GNG7: variants seen among roughly 807,000 people sequenced by gnomAD.
GNG7 encodes G protein subunit gamma 7.
GNG7 carries 1 observed loss-of-function variant against 4.0 expected under a neutral mutation model. The observed-to-expected ratio is 0.25, with a 90% CI of 0.09 to 1.18. The LOEUF (loss-of-function observed/expected upper bound fraction) is 1.18, where lower values mean the gene tolerates loss of function less well. Among genes scored for constraint, GNG7 ranks in the 50% most tolerant of loss-of-function variants. The probability of loss-of-function intolerance (pLI) is 0.50; values close to 1 mark genes in which losing one functional copy is unlikely to be tolerated. For synonymous variants in GNG7, 34 were observed against 36.9 expected (o/e 0.92, Z 0.29); for missense variants, 86 against 91.9 (o/e 0.94, Z 0.26).
At chr19:2,686,196 C>T (rs890895901) in intron 1 of GNG7, among the ~76,000 whole-genome samples, 2 of 150,752 alleles carry the variant, frequency 1.3e-5, no homozygotes, top group Non-Finnish European at 1.5e-5. Context: ...CTCACGCTGT[C>T]GCCCAGGCTG....
At chr19:2,543,736 C>A (rs1336130751) in intron 3 of GNG7, among the ~76,000 whole-genome samples, 2 of 152,202 alleles carry the variant, frequency 1.3e-5, no homozygotes, top group Non-Finnish European at 2.9e-5. Context: ...GGCTTCCAGG[C>A]AGCTCCACAA....
chr19:2,512,365 T>C lies in GNG7; in HGVS notation c.*2657A>G. ...GAAGTCTACTCAAGAAAAAAAAAAG[T>C]GGAGAATTTTTTTTTTAATCCCCCA... On this transcript the variant is annotated 3_prime_UTR_variant, in exon 5 of 5. Coordinates refer to ENST00000382159, the MANE Select transcript of GNG7 (RefSeq NM_052847.3). This position sits in a 1 kb window ranked among gnomAD's most constrained non-coding sequence, Gnocchi z 4.7. The C allele has an allele frequency of 1.0e-6, 1 of 981,506 alleles. No individual in the cohort carries two copies. Among genetic ancestry groups the C allele is most frequent in the Non-Finnish European group, 1.2e-6 (1 of 828,518 alleles). 60.8% of individuals were successfully genotyped at this position (981,506 alleles called of 1,614,324 possible). A position where few individuals can be genotyped will look rare whatever the true frequency, so the allele number is the denominator to read the frequency against.
intron 2 of GNG7, among the ~76,000 whole-genome samples, chr19:2,593,586 A>C (rs935320321): frequency 2.0e-5 from 3 of 151,956 alleles, no homozygotes; most frequent in African/African-American, 4.8e-5. Context: ...TCTACTAAAA[A>C]TACAAAAATT....
At chr19:2,654,360 G>C (rs1374094455) in intron 1 of GNG7, among the ~76,000 whole-genome samples, 3 of 152,190 alleles carry the variant, frequency 2.0e-5, no homozygotes, top group Non-Finnish European at 4.4e-5. Context: ...ATGGACATTA[G>C]AGCTGGGTCA....
At chr19:2,645,242 TC>T (rs1299750631) in intron 2 of GNG7, among the ~76,000 whole-genome samples, 64 of 112,302 alleles carry the variant, frequency 5.7e-4, no homozygotes, top group Middle Eastern at 4.0e-3. Flanking sequence ...TCTCTCTCTC[TC>T]TTTTTTTTTT....
chr19:2,555,701 C>T (rs1186324782), intron 2 of GNG7, among the ~76,000 whole-genome samples: 1 of 152,022 alleles, frequency 6.6e-6, no homozygotes, highest in Admixed American at 6.6e-5. Flanking sequence ...GCAGGAAGGC[C>T]GGGGGTCTCA....
intron 2 of GNG7, among the ~76,000 whole-genome samples, chr19:2,559,318 T>G (rs1269198690): frequency 6.6e-6 from 1 of 151,906 alleles, no homozygotes; most frequent in East Asian, 1.9e-4. Flanking sequence ...AAACTTTCCT[T>G]TATCTGATCA....
chr19:2,551,744 C>T (rs527938303), intron 3 of GNG7, among the ~76,000 whole-genome samples: 1 of 146,728 alleles, frequency 6.8e-6, no homozygotes, highest in Non-Finnish European at 1.5e-5. Flanking sequence ...AGTGCAACGG[C>T]ACGATCTCAG....
intron 2 of GNG7, among the ~76,000 whole-genome samples, chr19:2,560,643 T>TG (rs1174227206): frequency 6.6e-6 from 1 of 152,030 alleles, no homozygotes; most frequent in African/African-American, 2.4e-5. Flanking sequence ...CCACAGGGCC[T>TG]GGGGGGACCC....
chr19:2,697,117 A>G (rs1284353239), intron 1 of GNG7, among the ~76,000 whole-genome samples: 1 of 152,202 alleles, frequency 6.6e-6, no homozygotes, highest in African/African-American at 2.4e-5. Flanking sequence ...CTGGGATCAC[A>G]GGAATGTTCT....
intron 1 of GNG7, among the ~76,000 whole-genome samples, chr19:2,687,364 G>C (rs939322769): frequency 2.0e-5 from 3 of 150,500 alleles, no homozygotes; most frequent in South Asian, 2.2e-4. Context: ...CACCTGTAAT[G>C]CCAGCACTTT....
chr19:2,568,320 C>G (rs896351887), intron 2 of GNG7, among the ~76,000 whole-genome samples: 1 of 150,986 alleles, frequency 6.6e-6, no homozygotes, highest in African/African-American at 2.5e-5. Context: ...CACACGCACA[C>G]ACACATATAC....
chr19:2,672,990 T>C lies in GNG7; in HGVS notation c.-134-26710A>G, dbSNP rs182741496. ...CCACTAGGTTGGCCGGGTGCGGTGG[T>C]TCATGCCTGTAATCCCAGCACTTTG... is the stretch of plus-strand genomic sequence containing the variant. On this transcript the variant is annotated intron_variant, in intron 1 of 4. Coordinates refer to ENST00000382159, the MANE Select transcript of GNG7 (RefSeq NM_052847.3). Among the ~76,000 whole-genome samples the C allele has an allele frequency of 4.8e-3, 735 of 151,550 alleles. 5 individuals are homozygous for C. Among genetic ancestry groups the C allele is most frequent in the African/African-American group, 0.016 (683 of 41,418 alleles).
At position 2,653,635 on chromosome 19, in the gene GNG7, G is replaced by A. The variant is rs930841835; in HGVS notation, c.-134-7355C>T. ...CATTCTCTGGGGTGGGGCTGTCCTG[G>A]GCACTGCGGGGAGCTGAGCAGCGTC... On this transcript the variant is annotated intron_variant, in intron 1 of 4. Coordinates refer to ENST00000382159, the MANE Select transcript of GNG7 (RefSeq NM_052847.3). This position sits in a 1 kb window ranked among gnomAD's most constrained non-coding sequence, Gnocchi z 4.8. 3.9e-5 allele frequency among the ~76,000 whole-genome samples: 6 copies of A among 152,180 alleles called. No homozygotes were observed. The highest frequency in any genetic ancestry group is 8.8e-5 in the Non-Finnish European group (6 of 68,022).
At chr19:2,560,954 CAAAAAAAAAA>C (rs33963257) in intron 2 of GNG7, among the ~76,000 whole-genome samples, 1 of 132,602 alleles carries the variant, frequency 7.5e-6, no homozygotes, top group Non-Finnish European at 1.6e-5. Flanking sequence ...GAGACTGTTT[CAAAAAAAAAA>C]AAAAAAAAAT....
At chr19:2,574,393 T>A (rs1980244596) in intron 2 of GNG7, among the ~76,000 whole-genome samples, 1 of 152,024 alleles carries the variant, frequency 6.6e-6, no homozygotes, top group Non-Finnish European at 1.5e-5. Flanking sequence ...CCTGTCCCCC[T>A]CCCCAGCCCC....
intron 2 of GNG7, among the ~76,000 whole-genome samples, chr19:2,584,982 TGGAGGGAG>T (rs1235146509): frequency 5.4e-5 from 1 of 18,608 alleles, no homozygotes; most frequent in Non-Finnish European, 8.2e-5. Context: ...GAGGGAGGGA[TGGAGGGAG>T]GGAGGGAAGG....
At chr19:2,656,964 CTG>C (rs1982991429) in intron 1 of GNG7, among the ~76,000 whole-genome samples, 2 of 152,034 alleles carry the variant, frequency 1.3e-5, no homozygotes, top group Admixed American at 1.3e-4. Flanking sequence ...CTGGAATCCT[CTG>C]GGGGTGGGGC....
chr19:2,579,262 C>A (rs1980431857), intron 2 of GNG7, among the ~76,000 whole-genome samples: 2 of 152,220 alleles, frequency 1.3e-5, no homozygotes, highest in African/African-American at 4.8e-5. Flanking sequence ...TTTCACTGCC[C>A]CAGCGTAACC....
Sources: allele counts gnomAD v4.1 joint callset (sites outside exome capture counted in the v4.1 genomes callset), GRCh38; gene constraint gnomAD v4.1.1; non-coding constraint Gnocchi (gnomAD v3.1); transcripts MANE v1.5; gene names NCBI Gene and HGNC (gene_info 2026-07-23, HGNC 2026-07-21).